The following PCDH7 variants were observed in gnomAD, a reference collection of about 807,000 sequenced individuals.
PCDH7 encodes the protein protocadherin 7.
Under a neutral mutation model 58.9 loss-of-function variants are expected in PCDH7, and 17 were observed. The observed-to-expected ratio is 0.29, with a 90% CI of 0.20 to 0.43. PCDH7 has a LOEUF of 0.43. Among genes scored for constraint, PCDH7 ranks in the 20% least tolerant of loss-of-function variants. The pLI, the probability that PCDH7 is intolerant of heterozygous loss-of-function variation, is 1.00. For synonymous variants in PCDH7, 664 were observed against 616.4 expected (o/e 1.08, Z -1.14); for missense variants, 1,274 against 1,441.0 (o/e 0.88, Z 1.88).
In PCDH7 at chr4:30,952,399, G is replaced by A. The variant is rs573971766; in HGVS notation, c.*7+2184G>A. On this transcript the variant is annotated intron_variant, in intron 3 of 3. Coordinates refer to the PCDH7 transcript ENST00000509759. ...GCTATGCTTGAATAGGAAAACAGTT[G>A]TATCAATTTACCACTAAAGGAAAAC... Among the ~76,000 whole-genome samples the A allele has an allele frequency of 2.0e-5, 3 of 151,710 alleles. No individual in the cohort carries two copies. The South Asian group carries it at 6.2e-4, about 32-fold the overall frequency.
At chr4:30,975,088 A>G (rs1234600404) in intron 3 of PCDH7, among the ~76,000 whole-genome samples, 1 of 151,762 alleles carries the variant, frequency 6.6e-6, no homozygotes, top group Non-Finnish European at 1.5e-5. Flanking sequence ...TGAGGAGGAG[A>G]GAGACAAAGC....
intron 1 of PCDH7, among the ~76,000 whole-genome samples, chr4:30,883,242 A>C (rs1578157962): frequency 6.6e-6 from 1 of 152,330 alleles, no homozygotes. Flanking sequence ...TAGGAACATA[A>C]AATTTAATTG....
At chr4:30,910,675 T>C (rs1044543328) in intron 1 of PCDH7, among the ~76,000 whole-genome samples, 7 of 152,128 alleles carry the variant, frequency 4.6e-5, no homozygotes, top group Non-Finnish European at 8.8e-5. Flanking sequence ...CTGGAGAGGA[T>C]GTGGAGAAAT....
chr4:31,049,605 A>T (rs1015068167), intron 3 of PCDH7, among the ~76,000 whole-genome samples: 1 of 152,146 alleles, frequency 6.6e-6, no homozygotes, highest in African/African-American at 2.4e-5. Context: ...GGTAAAGAGA[A>T]GTTCATCAGA....
At chr4:31,026,247 TTATC>T (rs1754413001) in intron 3 of PCDH7, among the ~76,000 whole-genome samples, 1 of 152,230 alleles carries the variant, frequency 6.6e-6, no homozygotes, top group South Asian at 2.1e-4. Context: ...TTTATTTGAA[TTATC>T]TTTCTAAGTA....
intron 3 of PCDH7, among the ~76,000 whole-genome samples, chr4:31,102,419 T>C (rs144244572): frequency 1.4e-4 from 22 of 152,150 alleles, no homozygotes; most frequent in South Asian, 6.2e-4. Flanking sequence ...AGGAAAAGCA[T>C]TTGTAAATAA....
chr4:30,830,083 A>G (rs1034183954), intron 1 of PCDH7, among the ~76,000 whole-genome samples: 5 of 151,966 alleles, frequency 3.3e-5, no homozygotes, highest in African/African-American at 1.2e-4. Flanking sequence ...CTTTTCTTTA[A>G]TAGACTCTCA....
Position 31,138,907 on chromosome 4 carries a change from C to G in PCDH7, c.*8-3566C>G, listed in dbSNP as rs555327966. ...AGGAGAATCGCTTGAGCCTGAGAGG[C>G]AGAGGTTGCGGTGAGGCAAGATTGC... On this transcript the variant is annotated intron_variant, in intron 3 of 3. Coordinates refer to the PCDH7 transcript ENST00000509759. Among the ~76,000 whole-genome samples the G allele has an allele frequency of 1.6e-3, 232 of 149,220 alleles. 1 individual carries two copies. Among genetic ancestry groups the G allele is most frequent in the Non-Finnish European group, 2.7e-3 (185 of 67,636 alleles).
At chr4:30,975,050 C>T (rs1749944270) in intron 3 of PCDH7, among the ~76,000 whole-genome samples, 1 of 151,850 alleles carries the variant, frequency 6.6e-6, no homozygotes, top group Non-Finnish European at 1.5e-5. Context: ...GAGCTGCCAG[C>T]AGAGATTTCA....
chr4:30,725,379 G>A, intron 1 of PCDH7: 3 of 662,216 alleles, frequency 4.5e-6, no homozygotes, highest in Non-Finnish European at 5.6e-6. Context: ...GATGTACTGT[G>A]TGCAAGACTA....
At chr4:31,057,623 T>C (rs1441335218) in intron 3 of PCDH7, among the ~76,000 whole-genome samples, 1 of 152,122 alleles carries the variant, frequency 6.6e-6, no homozygotes, top group Admixed American at 6.6e-5. Flanking sequence ...AAATCAAGCT[T>C]AGGTATATCC....
chr4:30,983,947 G>T (rs1750768661), intron 3 of PCDH7, among the ~76,000 whole-genome samples: 1 of 152,098 alleles, frequency 6.6e-6, no homozygotes, highest in Non-Finnish European at 1.5e-5. Flanking sequence ...GGCTTTGTGT[G>T]AATTTCACAA....
At chr4:30,753,505 C>T (rs1342664463) in intron 1 of PCDH7, among the ~76,000 whole-genome samples, 1 of 152,268 alleles carries the variant, frequency 6.6e-6, no homozygotes, top group Middle Eastern at 3.4e-3. Context: ...TAGGCAGGCA[C>T]TTAGTACGTG....
chr4:30,929,761 C>T (rs1744331536), intron 2 of PCDH7, among the ~76,000 whole-genome samples: 2 of 152,090 alleles, frequency 1.3e-5, no homozygotes, highest in South Asian at 2.1e-4. Flanking sequence ...TTAGGAAGCC[C>T]TATATGATCT....
intron 3 of PCDH7, among the ~76,000 whole-genome samples, chr4:30,951,764 G>T (rs188811709): frequency 6.6e-6 from 1 of 152,130 alleles, no homozygotes; most frequent in East Asian, 1.9e-4. Context: ...GAGAGGTGGC[G>T]AAGTTGAGAG....
chr4:31,104,896 A>G (rs80350192), intron 3 of PCDH7, among the ~76,000 whole-genome samples: 5,995 of 152,290 alleles, frequency 0.039, 153 homozygotes, highest in South Asian at 0.1. Context: ...GCAAAGCTGC[A>G]TTGGTAAAAT....
chr4:30,828,393 C>T (rs1729357548), intron 1 of PCDH7, among the ~76,000 whole-genome samples: 1 of 152,044 alleles, frequency 6.6e-6, no homozygotes, highest in Non-Finnish European at 1.5e-5. Context: ...GAATGTGGCA[C>T]AATGAGCTTC....
chr4:30,864,014 G>A (rs981947842), intron 1 of PCDH7, among the ~76,000 whole-genome samples: 20 of 152,204 alleles, frequency 1.3e-4, no homozygotes, highest in African/African-American at 4.8e-4. Flanking sequence ...AGAATTCACT[G>A]TAATTACTTT....
intron 3 of PCDH7, among the ~76,000 whole-genome samples, chr4:30,990,237 A>G (rs543055384): frequency 6.6e-6 from 1 of 152,128 alleles, no homozygotes; most frequent in Non-Finnish European, 1.5e-5. Flanking sequence ...ATAGCCTCAA[A>G]GAAATTGAAC....
Sources: allele counts gnomAD v4.1 joint callset (sites outside exome capture counted in the v4.1 genomes callset), GRCh38; gene constraint gnomAD v4.1.1; transcripts MANE v1.5; gene names NCBI Gene and HGNC (gene_info 2026-07-23, HGNC 2026-07-21).